The following FGF13 variants were observed in gnomAD, a reference collection of about 807,000 sequenced individuals.
FGF13 encodes fibroblast growth factor 13, also known as fibroblast growth factor homologous factor 2.
Under a neutral mutation model 19.5 loss-of-function variants are expected in FGF13, and 2 were observed. The observed-to-expected ratio is 0.10, with a 90% CI of 0.04 to 0.32. FGF13 has a LOEUF of 0.32. Ranked by LOEUF, FGF13 falls within the 10% of genes least tolerant of loss-of-function variation. The pLI is 1.00. For synonymous variants in FGF13, 72 were observed against 76.9 expected (o/e 0.94, Z 0.33); for missense variants, 113 against 192.7 (o/e 0.59, Z 2.45).
chrX:139,183,586 C>A (rs191992244), intron 1 of FGF13, among the ~76,000 whole-genome samples: 1 of 111,816 alleles, frequency 8.9e-6, no homozygotes, highest in Admixed American at 9.5e-5. Flanking sequence ...CTCTTTTACT[C>A]CCTCTCATCA....
At chrX:138,691,644 T>C (rs749585633) in intron 3 of FGF13, among the ~76,000 whole-genome samples, 2 of 111,965 alleles carry the variant, frequency 1.8e-5, no homozygotes, top group African/African-American at 6.5e-5. Context: ...TATAGGACAT[T>C]TTTTCTTGGG....
intron 3 of FGF13, among the ~76,000 whole-genome samples, chrX:138,674,206 T>C (rs1236812384): frequency 9.0e-6 from 1 of 110,955 alleles, no homozygotes; most frequent in East Asian, 2.9e-4. Flanking sequence ...TCTTTGTATA[T>C]GGGAATACAC....
At chrX:139,067,557 T>G (rs1237217994) in intron 1 of FGF13, among the ~76,000 whole-genome samples, 1 of 111,515 alleles carries the variant, frequency 9.0e-6, no homozygotes, top group Non-Finnish European at 1.9e-5. Flanking sequence ...AATAAAATAC[T>G]TAGTAATACA....
intron 1 of FGF13, among the ~76,000 whole-genome samples, chrX:139,057,228 T>G (rs992807907): frequency 9.0e-6 from 1 of 111,075 alleles, no homozygotes; most frequent in Non-Finnish European, 1.9e-5. Flanking sequence ...AATCCCTGGA[T>G]AGGAAATGAC....
chrX:139,200,462 G>A (rs2084406793), intron 1 of FGF13, among the ~76,000 whole-genome samples: 2 of 111,982 alleles, frequency 1.8e-5, no homozygotes, highest in East Asian at 5.6e-4. Context: ...GTAAATGCAT[G>A]GGGCCACTAC....
At chrX:139,201,509 T>C (rs191497854) in intron 1 of FGF13, among the ~76,000 whole-genome samples, 1 of 112,231 alleles carries the variant, frequency 8.9e-6, no homozygotes, top group East Asian at 2.8e-4. Context: ...TGTCACACCA[T>C]TGTTCAAAAT....
At chrX:138,807,610 A>T (rs1267004534) in intron 3 of FGF13, among the ~76,000 whole-genome samples, 2 of 112,007 alleles carry the variant, frequency 1.8e-5, no homozygotes, top group Non-Finnish European at 3.8e-5. Flanking sequence ...CATTAACTGT[A>T]AATGGGCTAA....
chrX:139,142,292 G>C (rs2083851755), intron 1 of FGF13, among the ~76,000 whole-genome samples: 1 of 111,311 alleles, frequency 9.0e-6, no homozygotes, highest in Admixed American at 9.6e-5. Flanking sequence ...ACAGATAATT[G>C]GCCACAGGTT....
intron 1 of FGF13, among the ~76,000 whole-genome samples, chrX:139,127,128 T>C (rs1163387074): frequency 9.0e-6 from 1 of 111,486 alleles, no homozygotes; most frequent in African/African-American, 3.3e-5. Context: ...TTACTACAGG[T>C]TCCTCCACTT....
At chrX:138,929,854 CTGTGTGTGTGTGTGTG>C (rs577806507) in intron 1 of FGF13, among the ~76,000 whole-genome samples, 23 of 96,283 alleles carry the variant, frequency 2.4e-4, no homozygotes, top group Admixed American at 5.6e-4. Context: ...ACTGCCTTAG[CTGTGTGTGTGTGTGTG>C]TGTGTGTGTG....
chrX:138,964,960 C>T (rs142390900), intron 1 of FGF13, among the ~76,000 whole-genome samples: 12 of 111,992 alleles, frequency 1.1e-4, no homozygotes, highest in African/African-American at 3.9e-4. Flanking sequence ...ATCCAAACTA[C>T]ATCACCACCT....
intron 1 of FGF13, among the ~76,000 whole-genome samples, chrX:138,887,341 T>G (rs930811286): frequency 3.6e-5 from 4 of 112,042 alleles, no homozygotes; most frequent in Non-Finnish European, 7.5e-5. Flanking sequence ...AATTTTACTT[T>G]AATAGAATCA....
chrX:138,906,141 A>G (rs1304617869), intron 1 of FGF13, among the ~76,000 whole-genome samples: 2 of 111,757 alleles, frequency 1.8e-5, no homozygotes, highest in Non-Finnish European at 3.8e-5. Context: ...CCCCAGGCTG[A>G]TGATCAAACC....
chrX:138,806,119 T>C (rs761121159), intron 3 of FGF13, among the ~76,000 whole-genome samples: 2 of 112,222 alleles, frequency 1.8e-5, no homozygotes, highest in African/African-American at 3.2e-5. Context: ...AGTGGCATCT[T>C]ACTCTAGTCA....
rs777640204 is a variant in FGF13 at position 139,082,510 on chromosome X, C to T, written c.-113+120906G>A. ...GGCTCTATATCCAATGACTGGAGTC[C>T]TTGTAAGACGAGAGGAGGACGTACA... On this transcript the variant is annotated intron_variant, in intron 1 of 2. Transcript: ENST00000421460. 5.4e-5 allele frequency among the ~76,000 whole-genome samples: 6 copies of T among 111,382 alleles called. No individual in the cohort carries two copies. In the South Asian group the frequency reaches 2.3e-3, roughly 43 times the overall value.
intron 3 of FGF13, among the ~76,000 whole-genome samples, chrX:138,774,938 CTTTG>C (rs1241142215): frequency 1.8e-5 from 2 of 112,033 alleles, no homozygotes; most frequent in Non-Finnish European, 3.8e-5. Flanking sequence ...TCTTCATGCT[CTTTG>C]TTTTTCTTAT....
At chrX:139,124,506 C>T (rs1416089592) in intron 1 of FGF13, among the ~76,000 whole-genome samples, 6 of 111,491 alleles carry the variant, frequency 5.4e-5, no homozygotes, top group Non-Finnish European at 1.1e-4. Flanking sequence ...AGATCATACC[C>T]GCCTTGCAAC....
intron 1 of FGF13, among the ~76,000 whole-genome samples, chrX:138,717,581 C>T (rs1189513490): frequency 9.1e-6 from 1 of 110,230 alleles, no homozygotes; most frequent in Non-Finnish European, 1.9e-5. Flanking sequence ...TCTGATAGGG[C>T]ATGGGGATTG....
chrX:138,675,571 G>T (rs1475071582), intron 3 of FGF13, among the ~76,000 whole-genome samples: 1 of 110,968 alleles, frequency 9.0e-6, no homozygotes, highest in Admixed American at 9.6e-5. Context: ...AAATAAGTAT[G>T]AATAACATCT....
Sources: gnomAD v4.1 joint callset for allele counts (sites outside exome capture counted in the v4.1 genomes callset) on GRCh38, gnomAD v4.1.1 for gene constraint, MANE v1.5 for transcripts, NCBI Gene and HGNC (gene_info 2026-07-23, HGNC 2026-07-21) for gene names.